The following MYOM1 variants were observed in gnomAD, a reference collection of about 807,000 sequenced individuals.
MYOM1 encodes myomesin 1.
Under a neutral mutation model 205.3 loss-of-function variants are expected in MYOM1, and 164 were observed. The observed-to-expected ratio is 0.80, with a 90% confidence interval of 0.70 to 0.91. The LOEUF is 0.91. MYOM1 is among the 40% of genes least tolerant of loss of function. The pLI, the probability that MYOM1 is intolerant of heterozygous loss-of-function variation, is 0.00. For synonymous variants in MYOM1, 772 were observed against 789.4 expected (o/e 0.98, Z 0.37); for missense variants, 2,011 against 2,127.3 (o/e 0.95, Z 1.08).
At chr18:3,161,173 G>A (rs2080385839) in intron 10 of MYOM1, among the ~76,000 whole-genome samples, 1 of 152,204 alleles carries the variant, frequency 6.6e-6, no homozygotes, top group African/African-American at 2.4e-5. Context: ...GCCAGCTCCT[G>A]TCTTCCCTGA....
At chr18:3,220,819 T>C (rs1343464188), upstream of MYOM1, among the ~76,000 whole-genome samples, 1 of 152,234 alleles carries the variant, frequency 6.6e-6, no homozygotes, top group Non-Finnish European at 1.5e-5. Context: ...GGTGATTAAA[T>C]GTGATACTGC....
intron 3 of MYOM1, among the ~76,000 whole-genome samples, chr18:3,192,796 G>A (rs1184644546): frequency 6.6e-6 from 1 of 152,150 alleles, no homozygotes; most frequent in Non-Finnish European, 1.5e-5. Flanking sequence ...ACACAGACTT[G>A]TGATTTAGTG....
chr18:3,133,088 G>A (rs559414579), intron 16 of MYOM1, among the ~76,000 whole-genome samples: 1 of 152,128 alleles, frequency 6.6e-6, no homozygotes, highest in South Asian at 2.1e-4. Context: ...AACAAAAAAT[G>A]GTGCCTGCCC....
chr18:3,069,632 A>T lies in MYOM1; in HGVS notation c.4765-2077T>A, dbSNP rs190631216. On this transcript the variant is annotated intron_variant, in intron 37 of 37. Coordinates refer to ENST00000356443, the MANE Select transcript of MYOM1 (RefSeq NM_003803.4). ...GAGCAGATTAGGTATATGCTTTTGGAAACTGTGATTACTTGTAGTTAAAAC... is the reference window on the plus strand; with the variant it reads ...GAGCAGATTAGGTATATGCTTTTGGTAACTGTGATTACTTGTAGTTAAAAC... Among the ~76,000 whole-genome samples the T allele has an allele frequency of 3.0e-3, 464 of 152,312 alleles. 7 individuals carry two copies. Among genetic ancestry groups the T allele is most frequent in the African/African-American group, 0.011 (448 of 41,562 alleles).
intron 35 of MYOM1, 47 bp downstream of exon 35, chr18:3,075,678 G>C: frequency 1.9e-6 from 3 of 1,582,044 alleles, no homozygotes; most frequent in Non-Finnish European, 2.6e-6. Flanking sequence ...CAAGCTTCCC[G>C]GGAAATTAGT....
intron 22 of MYOM1, among the ~76,000 whole-genome samples, chr18:3,104,311 G>C (rs1402832323): frequency 3.9e-5 from 6 of 152,210 alleles, no homozygotes; most frequent in Non-Finnish European, 7.3e-5. Flanking sequence ...TATTGTTACA[G>C]AGAGAAAAGA....
rs201584223 is a variant in MYOM1, at chr18:3,102,570, C to T, written c.3479G>A (p.Cys1160Tyr). ...DDGVISLNFE[C>Y]DKMTPKSEFS... ...CTCGGACTTTGGAGTCATCTTATCA[C>T]ACTCGAAGTTCAATGAAATGACTCC... The change falls in exon 23 of 38, where the codon TGT (cysteine) becomes TAT (tyrosine). Residue 1160 changes from cysteine (C) to tyrosine (Y), a missense_variant. Physicochemically the swap from Cys to Tyr is radical, Grantham distance 194. Transcript: ENST00000356443. 1.2e-6 allele frequency: 2 copies of T among 1,613,886 alleles called. No homozygotes were observed. The highest frequency in any genetic ancestry group is 2.2e-5 in the East Asian group (1 of 44,872).
chr18:3,232,239 A>G, the MYOM1 span, among the ~76,000 whole-genome samples: 1 of 152,082 alleles, frequency 6.6e-6, no homozygotes, highest in African/African-American at 2.4e-5. Context: ...CTGAGGCACA[A>G]GAATTGCTTG....
chr18:3,225,792 C>G, the MYOM1 span, among the ~76,000 whole-genome samples: 5 of 152,304 alleles, frequency 3.3e-5, no homozygotes, highest in South Asian at 2.1e-4. Context: ...CTTCTTCCCC[C>G]TCTCTGGTTA....
At chr18:3,101,548 A>G (rs1260689030) in intron 23 of MYOM1, among the ~76,000 whole-genome samples, 1 of 152,210 alleles carries the variant, frequency 6.6e-6, no homozygotes, top group Non-Finnish European at 1.5e-5. Context: ...GAGCTCGTTC[A>G]TCTTATACTT....
chr18:3,233,700 G>T, the MYOM1 span, among the ~76,000 whole-genome samples: 1 of 152,244 alleles, frequency 6.6e-6, no homozygotes, highest in East Asian at 1.9e-4. Context: ...AACTGTCCAC[G>T]GATTCATCTA....
rs2079055884 is a variant in MYOM1 at position 3,079,218 on chromosome 18, T to C, written c.4609A>G (p.Lys1537Glu). 1.5e-5 allele frequency: 25 copies of C among 1,613,856 alleles called. No individual in the cohort carries two copies. Among genetic ancestry groups the C allele is most frequent in the Non-Finnish European group, 2.1e-5 (25 of 1,179,868 alleles). Residue 1537 changes from lysine (K) to glutamate (E), a missense_variant, in exon 34 of 38, where the codon AAA becomes GAA. By Grantham distance (56) the Lys-to-Glu change is moderately conservative (BLOSUM62 1). Transcript: ENST00000356443. ...TCCACTGTCTTCTGATGTCCAGTTT[T>C]GCCATCAAAGAGCTCCATGACATAC... ...GKYVMELFDGKTGHQKTVDLS... is the reference protein window; with the variant it reads ...GKYVMELFDGETGHQKTVDLS...
Position 3,085,151 on chromosome 18 carries a change from A to G in MYOM1, c.4252-19T>C, listed in dbSNP as rs767736888. On this transcript the variant is annotated intron_variant, in intron 30 of 37. Transcript: ENST00000356443. ...TGGAAAACTAAGGGGGAATAGATAT[A>G]CCACATTGCACCTTTCGTAGCCCCA... The G allele has an allele frequency of 1.3e-6, 2 of 1,562,026 alleles. No individual in the cohort carries two copies. Among genetic ancestry groups the G allele is most frequent in the East Asian group, 4.7e-5 (2 of 42,992 alleles).
Position 3,161,201 on chromosome 18 carries a change from T to C in MYOM1, c.1501+3077A>G, listed in dbSNP as rs1028597375. The stretch of plus-strand genomic sequence containing the variant: ...TTCCCTGATGATATAGACTTTTTCA[T>C]GATGCCTTTGTGGTGGAGAAAGCCT... On this transcript the variant is annotated intron_variant, in intron 10 of 37. Coordinates refer to ENST00000356443, the MANE Select transcript of MYOM1 (RefSeq NM_003803.4). Among the ~76,000 whole-genome samples the C allele has an allele frequency of 2.0e-5, 3 of 152,244 alleles. No homozygotes were observed. In the East Asian group the frequency reaches 5.8e-4, roughly 29 times the overall value.
chr18:3,140,025 A>G (rs2080025504), intron 14 of MYOM1, among the ~76,000 whole-genome samples: 1 of 152,198 alleles, frequency 6.6e-6, no homozygotes, highest in Admixed American at 6.5e-5. Context: ...GAGTGTTTCA[A>G]AGAGATTCAG....
At chr18:3,216,890 C>A (rs2081274561) in intron 1 of MYOM1, 1 of 152,174 alleles carries the variant, frequency 6.6e-6, no homozygotes, top group Non-Finnish European at 1.5e-5. Flanking sequence ...TCCAGTACCT[C>A]AACATGTGAC....
intron 10 of MYOM1, among the ~76,000 whole-genome samples, chr18:3,155,542 A>G (rs940206190): frequency 1.3e-5 from 2 of 152,210 alleles, no homozygotes; most frequent in Non-Finnish European, 2.9e-5. Flanking sequence ...CTATTTGTTG[A>G]CCAACATAAC....
At chr18:3,183,813 GTCT>G (rs2080773238) in intron 5 of MYOM1, among the ~76,000 whole-genome samples, 1 of 152,050 alleles carries the variant, frequency 6.6e-6, no homozygotes, top group Non-Finnish European at 1.5e-5. Flanking sequence ...GGGTTCCCAG[GTCT>G]TCAAGGGAAA....
intron 2 of MYOM1, among the ~76,000 whole-genome samples, chr18:3,200,439 A>G (rs941393731): frequency 6.6e-6 from 1 of 152,228 alleles, no homozygotes; most frequent in African/African-American, 2.4e-5. Flanking sequence ...CAAAGCAGCA[A>G]TTATAAATAT....
Sources: gnomAD v4.1 joint callset for allele counts (sites outside exome capture counted in the v4.1 genomes callset) on GRCh38, gnomAD v4.1.1 for gene constraint, MANE v1.5 for transcripts, NCBI Gene and HGNC (gene_info 2026-07-23, HGNC 2026-07-21) for gene names.